The following GALNT13 variants were observed in gnomAD, a reference collection of about 807,000 sequenced individuals.
GALNT13 encodes polypeptide N-acetylgalactosaminyltransferase 13, also known as UDP-GalNAc:polypeptide N-acetylgalactosaminyltransferase 13.
A neutral mutation model predicts 64.2 loss-of-function variants in GALNT13; 28 were observed. The observed-to-expected ratio is 0.44, with a 90% CI of 0.32 to 0.60. The LOEUF is 0.60. GALNT13 is among the 20% of genes least tolerant of loss of function. The pLI is 0.05. For missense variants in GALNT13, 577 were observed against 669.8 expected (o/e 0.86, Z 1.53); for synonymous variants, 214 against 224.6 (o/e 0.95, Z 0.42).
chr2:153,874,989 G>A (rs2105220071), intron 1 of GALNT13, among the ~76,000 whole-genome samples: 1 of 152,206 alleles, frequency 6.6e-6, no homozygotes, highest in Admixed American at 6.5e-5. Flanking sequence ...TTTCTAACAA[G>A]TGAAAAGTTC....
At position 154,109,515 on chromosome 2, in the gene GALNT13, A is replaced by T. The variant is rs946881657; in HGVS notation, c.143-30822A>T. Among the ~76,000 whole-genome samples, 4 of 151,814 alleles carry T rather than the reference A, an allele frequency of 2.6e-5. No individual in the cohort carries two copies. In the East Asian group the frequency reaches 7.8e-4, roughly 29 times the overall value. ...GCAAGGGTTTAGAGTACTTTGTTTA[A>T]TAGAGGTGGTAAGAGTGAGTATTAT... On this transcript the variant is annotated intron_variant, in intron 3 of 12. Transcript: ENST00000392825.
chr2:153,236,111 C>A, the GALNT13 span, among the ~76,000 whole-genome samples: 32 of 152,218 alleles, frequency 2.1e-4, no homozygotes, highest in African/African-American at 7.0e-4. Context: ...TAATCTAGAA[C>A]AAGGCCTTAA....
intron 4 of GALNT13, among the ~76,000 whole-genome samples, chr2:154,157,330 T>G (rs925535618): frequency 1.3e-5 from 2 of 152,148 alleles, no homozygotes; most frequent in African/African-American, 4.8e-5. Context: ...TAGGTGTCCT[T>G]TCCTCTTACC....
chr2:154,376,108 C>T (rs1276349766), intron 9 of GALNT13, among the ~76,000 whole-genome samples: 1 of 152,120 alleles, frequency 6.6e-6, no homozygotes, highest in Non-Finnish European at 1.5e-5. Context: ...CAGTTAAATA[C>T]CCAACAAAGA....
chr2:153,617,581 T>C, the GALNT13 span, among the ~76,000 whole-genome samples: 1 of 151,936 alleles, frequency 6.6e-6, no homozygotes, highest in Admixed American at 6.6e-5. Context: ...TTGTATCAGT[T>C]TGGAAGTATT....
At chr2:154,248,035 A>AT (rs982703296) in intron 7 of GALNT13, among the ~76,000 whole-genome samples, 6 of 152,074 alleles carry the variant, frequency 3.9e-5, no homozygotes, top group Admixed American at 2.0e-4. Context: ...GTTGAAGACA[A>AT]TTTTTTTCCT....
chr2:153,496,867 G>A, the GALNT13 span, among the ~76,000 whole-genome samples: 35 of 151,906 alleles, frequency 2.3e-4, no homozygotes, highest in East Asian at 5.6e-3. Flanking sequence ...GGTGGTGCAC[G>A]CCTGTAGTCC....
At chr2:153,084,357 A>G in the GALNT13 span, among the ~76,000 whole-genome samples, 20,311 of 152,024 alleles carry the variant, frequency 0.13, 1,595 homozygotes, top group African/African-American at 0.2. Flanking sequence ...TATTGATTCT[A>G]CTCATCCATG....
chr2:153,228,391 G>A, the GALNT13 span, among the ~76,000 whole-genome samples: 1 of 151,626 alleles, frequency 6.6e-6, no homozygotes, highest in African/African-American at 2.4e-5. Context: ...ATTTTTTTTG[G>A]CACCTTAATG....
intron 9 of GALNT13, among the ~76,000 whole-genome samples, chr2:154,376,210 CTTTT>C (rs1245547996): frequency 6.6e-6 from 1 of 152,124 alleles, no homozygotes; most frequent in Non-Finnish European, 1.5e-5. Flanking sequence ...AGTCACCTCA[CTTTT>C]TTTCTTTTCT....
chr2:153,135,086 T>A, the GALNT13 span, among the ~76,000 whole-genome samples: 303 of 152,218 alleles, frequency 2.0e-3, no homozygotes, highest in African/African-American at 6.1e-3. Context: ...ACTGAAGGTC[T>A]GAGATCAGGT....
chr2:153,730,111 G>GA, the GALNT13 span, among the ~76,000 whole-genome samples: 21 of 150,454 alleles, frequency 1.4e-4, no homozygotes, highest in South Asian at 2.9e-3. Flanking sequence ...TATGGAACCA[G>GA]AAAAAAAAAG....
intron 4 of GALNT13, among the ~76,000 whole-genome samples, chr2:154,234,052 A>G (rs916149479): frequency 6.6e-6 from 1 of 152,042 alleles, no homozygotes; most frequent in African/African-American, 2.4e-5. Context: ...CTTACTCCAT[A>G]CTGCTACATT....
intron 4 of GALNT13, among the ~76,000 whole-genome samples, chr2:154,175,595 AG>A (rs922480639): frequency 2.6e-5 from 4 of 152,178 alleles, no homozygotes; most frequent in Non-Finnish European, 5.9e-5. Flanking sequence ...TAAATGCCAC[AG>A]GCTCCTTGGA....
intron 9 of GALNT13, among the ~76,000 whole-genome samples, chr2:154,348,310 C>G (rs1340118279): frequency 6.6e-6 from 1 of 151,856 alleles, no homozygotes; most frequent in Non-Finnish European, 1.5e-5. Context: ...AAATGAATGG[C>G]TACCCAAACA....
intron 8 of GALNT13, among the ~76,000 whole-genome samples, chr2:154,298,564 T>TTATATATACATTG (rs1693114359): frequency 1.9e-5 from 1 of 54,002 alleles, no homozygotes; most frequent in African/African-American, 6.3e-5. Flanking sequence ...TATATATAAT[T>TTATATATACATTG]TATATATAAA....
chr2:153,336,468 T>C, the GALNT13 span, among the ~76,000 whole-genome samples: 1 of 152,198 alleles, frequency 6.6e-6, no homozygotes, highest in Non-Finnish European at 1.5e-5. Context: ...GAGATCATTT[T>C]GGAGCTTTAA....
the GALNT13 span, among the ~76,000 whole-genome samples, chr2:153,555,915 AAC>A: frequency 1.3e-5 from 2 of 152,232 alleles, no homozygotes; most frequent in Non-Finnish European, 1.5e-5. Flanking sequence ...TGATACATTA[AAC>A]ACAGCATCAT....
intron 4 of GALNT13, among the ~76,000 whole-genome samples, chr2:154,213,661 T>C (rs1159724931): frequency 1.3e-5 from 2 of 150,712 alleles, no homozygotes; most frequent in Non-Finnish European, 2.9e-5. Flanking sequence ...TGATTTTGGA[T>C]GTGTATATCA....
Sources: allele counts gnomAD v4.1 joint callset (sites outside exome capture counted in the v4.1 genomes callset), GRCh38; gene constraint gnomAD v4.1.1; transcripts MANE v1.5; gene names NCBI Gene and HGNC (gene_info 2026-07-23, HGNC 2026-07-21).